PGM5: variants seen among roughly 807,000 people sequenced by gnomAD.
PGM5 encodes phosphoglucomutase-like protein 5.
PGM5 carries 23 observed loss-of-function variants against 59.2 expected under a neutral mutation model. The ratio of observed to expected loss-of-function variants is 0.39; its 90% CI spans 0.28 to 0.55. The LOEUF is 0.55. PGM5 is among the 20% of genes least tolerant of loss of function. The probability of loss-of-function intolerance (pLI) is 0.66; values close to 1 mark genes in which losing one functional copy is unlikely to be tolerated. For synonymous variants in PGM5, 214 were observed against 286.0 expected, an observed-to-expected ratio of 0.75 and a Z score of 2.54; for missense variants, 574 against 748.3, an observed-to-expected ratio of 0.77 and a Z score of 2.72.
chr9:68,407,399 C>T (rs1822842400), intron 6 of PGM5, among the ~76,000 whole-genome samples: 1 of 152,190 alleles, frequency 6.6e-6, no homozygotes, highest in African/African-American at 2.4e-5. Context: ...TCTCAAAGTG[C>T]TGGGATTATA....
At chr9:68,365,495 C>T (rs1834662719) in intron 1 of PGM5, among the ~76,000 whole-genome samples, 1 of 151,964 alleles carries the variant, frequency 6.6e-6, no homozygotes. Context: ...GAAAATCCAC[C>T]TTCTCTGAGT....
At chr9:68,377,078 C>T (rs1184355381) in intron 1 of PGM5, among the ~76,000 whole-genome samples, 1 of 151,866 alleles carries the variant, frequency 6.6e-6, no homozygotes, top group Admixed American at 6.6e-5. Flanking sequence ...AGGCGTGCAC[C>T]ACCATGCTCA....
chr9:68,448,922 C>A (rs1358126454), intron 6 of PGM5, among the ~76,000 whole-genome samples: 1 of 152,210 alleles, frequency 6.6e-6, no homozygotes, highest in Non-Finnish European at 1.5e-5. Context: ...GACTTCTTCA[C>A]CCACTTGGGC....
chr9:68,511,545 CTTTTT>C (rs3064033), intron 10 of PGM5, among the ~76,000 whole-genome samples: 9 of 62,736 alleles, frequency 1.4e-4, no homozygotes, highest in African/African-American at 1.7e-4. Flanking sequence ...TTGTTTTTGC[CTTTTT>C]TTTTTTTTTT....
intron 6 of PGM5, among the ~76,000 whole-genome samples, chr9:68,404,582 T>G (rs1822755120): frequency 1.3e-5 from 2 of 152,190 alleles, no homozygotes; most frequent in Admixed American, 6.5e-5. Context: ...GTCAGCCCTA[T>G]CTATATGCCC....
At chr9:68,466,218 T>TC in intron 7 of PGM5, 1 of 1,277,570 alleles carries the variant, frequency 7.8e-7, no homozygotes, top group Non-Finnish European at 1.0e-6. Context: ...CTTAGCTGTG[T>TC]CCAATCTGCT....
chr9:68,363,491 C>A (rs1382944093), intron 1 of PGM5, among the ~76,000 whole-genome samples: 2 of 152,288 alleles, frequency 1.3e-5, no homozygotes, highest in Non-Finnish European at 1.5e-5. Context: ...CAGACTGTTA[C>A]AACCCAAAAG....
At chr9:68,476,591 C>A (rs1288043432) in intron 7 of PGM5, among the ~76,000 whole-genome samples, 1 of 152,182 alleles carries the variant, frequency 6.6e-6, no homozygotes, top group Non-Finnish European at 1.5e-5. Flanking sequence ...CTCCAAAGTA[C>A]ACTATAATCA....
intron 6 of PGM5, among the ~76,000 whole-genome samples, chr9:68,419,315 G>A (rs1036239420): frequency 6.6e-6 from 1 of 152,014 alleles, no homozygotes; most frequent in Non-Finnish European, 1.5e-5. Context: ...GAATATATGG[G>A]GTCTCCATCA....
At chr9:68,428,776 C>A (rs1328132794) in intron 6 of PGM5, 3 of 152,202 alleles carry the variant, frequency 2.0e-5, no homozygotes, top group Non-Finnish European at 4.4e-5. Flanking sequence ...CTATCTCTGT[C>A]TTTCACATTC....
chr9:68,424,672 A>G (rs1173063404), intron 6 of PGM5, among the ~76,000 whole-genome samples: 3 of 152,260 alleles, frequency 2.0e-5, no homozygotes, highest in Non-Finnish European at 4.4e-5. Context: ...TGAAATAAAT[A>G]TAAAGCAAGT....
chr9:68,510,616 G>A (rs1294904235), intron 10 of PGM5, among the ~76,000 whole-genome samples: 1 of 152,148 alleles, frequency 6.6e-6, no homozygotes, highest in African/African-American at 2.4e-5. Context: ...TACAATGCCT[G>A]TGTAAATCAA....
chr9:68,359,549 G>C (rs1401487546), intron 1 of PGM5, among the ~76,000 whole-genome samples: 1 of 152,186 alleles, frequency 6.6e-6, no homozygotes, highest in East Asian at 1.9e-4. Context: ...TGGTCTAAAA[G>C]AACTGGATAA....
At chr9:68,435,882 T>A (rs1165598605) in intron 6 of PGM5, among the ~76,000 whole-genome samples, 1 of 152,220 alleles carries the variant, frequency 6.6e-6, no homozygotes, top group Non-Finnish European at 1.5e-5. Context: ...GCCTTGTCAC[T>A]CTTACTGCCA....
At chr9:68,517,576 A>C (rs1430300055) in intron 10 of PGM5, among the ~76,000 whole-genome samples, 1 of 152,138 alleles carries the variant, frequency 6.6e-6, no homozygotes, top group Non-Finnish European at 1.5e-5. Flanking sequence ...CATGGTGGGC[A>C]CTCTGGTGAT....
At chr9:68,357,493 G>A (rs2131964605) in intron 1 of PGM5, 105 bp downstream of exon 1, 5 of 1,504,448 alleles carry the variant, frequency 3.3e-6, no homozygotes, top group Non-Finnish European at 3.5e-6. Flanking sequence ...CCCCTGCCCG[G>A]CCCCGGCTTT....
At chr9:68,466,343 G>T in intron 7 of PGM5, 3 of 357,226 alleles carry the variant, frequency 8.4e-6, no homozygotes, top group East Asian at 1.2e-4. Context: ...TTCCCCATCT[G>T]TTTATGTAAT....
chr9:68,490,932 C>T (rs1554687824), intron 9 of PGM5, among the ~76,000 whole-genome samples: 2 of 152,094 alleles, frequency 1.3e-5, no homozygotes, highest in East Asian at 1.9e-4. Context: ...TATTGTGATT[C>T]GATGTGGGTT....
At chr9:68,376,787 TTCTTTC>T (rs1455596476) in intron 1 of PGM5, among the ~76,000 whole-genome samples, 1 of 103,092 alleles carries the variant, frequency 9.7e-6, no homozygotes, top group African/African-American at 4.1e-5. Context: ...CTTTCTTTCT[TTCTTTC>T]TTTCTTTCTT....
Sources: allele counts gnomAD v4.1 joint callset (sites outside exome capture counted in the v4.1 genomes callset), GRCh38; gene constraint gnomAD v4.1.1; transcripts MANE v1.5; gene names NCBI Gene and HGNC (gene_info 2026-07-23, HGNC 2026-07-21).